Variants in KCNQ1 observed in about 807,000 individuals in gnomAD.
The protein encoded by KCNQ1 is potassium voltage-gated channel subfamily Q member 1.
A neutral mutation model predicts 72.4 loss-of-function variants in KCNQ1; 49 were observed. The ratio of observed to expected loss-of-function variants is 0.68; its 90% CI spans 0.54 to 0.86. The LOEUF (loss-of-function observed/expected upper bound fraction) is 0.86, where lower values mean the gene tolerates loss of function less well. Among genes scored for constraint, KCNQ1 ranks in the 40% least tolerant of loss-of-function variants. The pLI, the probability that KCNQ1 is intolerant of heterozygous loss-of-function variation, is 0.00. For synonymous variants in KCNQ1, 450 were observed against 412.6 expected, an observed-to-expected ratio of 1.09 and a Z score of -1.10; for missense variants, 790 against 945.1, an observed-to-expected ratio of 0.84 and a Z score of 2.15.
intron 1 of KCNQ1, among the ~76,000 whole-genome samples, chr11:2,480,524 T>C (rs1589904064): frequency 6.6e-6 from 1 of 152,330 alleles, no homozygotes; most frequent in East Asian, 1.9e-4. Flanking sequence ...GAGAACAATA[T>C]GGGAGAAACT....
chr11:2,454,114 T>C (rs1359844004), intron 1 of KCNQ1, among the ~76,000 whole-genome samples: 1 of 151,668 alleles, frequency 6.6e-6, no homozygotes, highest in African/African-American at 2.4e-5. Flanking sequence ...AATAAAAATA[T>C]AGCAGCTATT....
At chr11:2,719,028 G>A (rs548290752) in intron 11 of KCNQ1, among the ~76,000 whole-genome samples, 12 of 152,318 alleles carry the variant, frequency 7.9e-5, no homozygotes, top group Admixed American at 3.9e-4. Context: ...ACTCATCTAC[G>A]CTTGTGACCC....
At chr11:2,521,437 A>G (rs1317998074) in intron 1 of KCNQ1, 1 of 458,416 alleles carries the variant, frequency 2.2e-6, no homozygotes, top group East Asian at 7.1e-5. Context: ...TTTCAGACTG[A>G]CAAAACTCTT....
chr11:2,583,681 C>G (rs1470949886), intron 7 of KCNQ1, 136 bp downstream of exon 7: 1 of 724,194 alleles, frequency 1.4e-6, no homozygotes, highest in Non-Finnish European at 2.5e-6. Context: ...AGGTGCTATA[C>G]TCCAGAGCCC....
chr11:2,788,352 C>T (rs189855560), intron 15 of KCNQ1, among the ~76,000 whole-genome samples: 3 of 152,326 alleles, frequency 2.0e-5, no homozygotes, highest in African/African-American at 4.8e-5. Context: ...GGCGTAGCTT[C>T]GCAACTGGAA....
In KCNQ1 at chr11:2,464,052, G is replaced by A. The variant is rs958899189; in HGVS notation, c.386+18568G>A. On this transcript the variant is annotated intron_variant, in intron 1 of 15. Coordinates refer to ENST00000155840, the MANE Select transcript of KCNQ1 (RefSeq NM_000218.3). This position sits in a 1 kb window ranked among gnomAD's most constrained non-coding sequence, Gnocchi z 5.0. ...TGGAAAATGGACACTGATGCTGCCC[G>A]GTGGATCCAGGCAGGGCCGGGATGT... Among the ~76,000 whole-genome samples the A allele has an allele frequency of 1.3e-5, 2 of 152,318 alleles. No homozygotes were observed. The highest frequency in any genetic ancestry group is 1.5e-5 in the Non-Finnish European group (1 of 68,026).
intron 2 of KCNQ1, among the ~76,000 whole-genome samples, chr11:2,540,240 G>T (rs779639690): frequency 9.2e-5 from 14 of 152,204 alleles, no homozygotes; most frequent in Non-Finnish European, 1.3e-4. Context: ...CCCCTAGAGG[G>T]CATTACATTC....
rs1393780649 is a variant in KCNQ1, at chr11:2,712,648, G to T, written c.1514+50567G>T. On this transcript the variant is annotated intron_variant, in intron 11 of 15. Coordinates refer to ENST00000155840, the MANE Select transcript of KCNQ1 (RefSeq NM_000218.3). This position sits in a 1 kb window ranked among gnomAD's most constrained non-coding sequence, Gnocchi z 6.4. ...ATTCCCCTTGGAACATGAAGAAGGG[G>T]CTGGCTAAGGCCCCCATCCCTGCTC... 6.6e-6 allele frequency among the ~76,000 whole-genome samples: 1 copy of T among 152,186 alleles called. No homozygotes were observed. Among genetic ancestry groups the T allele is most frequent in the Non-Finnish European group, 1.5e-5 (1 of 68,022 alleles).
rs955642606 is a variant in KCNQ1 at position 2,658,427 on chromosome 11, G to A, written c.1394-3534G>A. ...TTGTTGCTCAAATTGTTCAAGCTGTGGCCACTGGTGGGTTCATGTGTCCTT... is the reference window on the plus strand; with the variant it reads ...TTGTTGCTCAAATTGTTCAAGCTGTAGCCACTGGTGGGTTCATGTGTCCTT... On this transcript the variant is annotated intron_variant, in intron 10 of 15. Transcript: ENST00000155840. The surrounding 1 kb of genome is among the most constrained non-coding windows in gnomAD (Gnocchi z 4.9). The A allele has an allele frequency of 2.5e-6, 1 of 398,486 alleles. No homozygotes were observed. Among genetic ancestry groups the A allele is most frequent in the Non-Finnish European group, 4.4e-6 (1 of 226,036 alleles). 24.7% of individuals were successfully genotyped at this position (398,486 alleles called of 1,614,324 possible).
intron 11 of KCNQ1, among the ~76,000 whole-genome samples, chr11:2,700,262 C>A (rs533679752): frequency 6.6e-6 from 1 of 152,174 alleles, no homozygotes; most frequent in Non-Finnish European, 1.5e-5. Flanking sequence ...CCCTCCCTGC[C>A]CCCACCCGTC....
chr11:2,573,022 A>G, intron 6 of KCNQ1, 36 bp downstream of exon 6: 1 of 1,605,876 alleles, frequency 6.2e-7, no homozygotes, highest in South Asian at 1.1e-5. Flanking sequence ...GGACAGGGGC[A>G]GCTCAGGCTG....
intron 10 of KCNQ1, chr11:2,614,733 ATGTCCATCCTTGT>A (rs1480232427): frequency 1.0e-5 from 4 of 398,288 alleles, no homozygotes; most frequent in Non-Finnish European, 1.8e-5. Flanking sequence ...ATTGGTCTAT[ATGTCCATCCTTGT>A]GTCCTAGAGA....
chr11:2,651,845 C>T lies in KCNQ1; in HGVS notation c.1394-10116C>T. Reference sequence around the variant, plus strand: ...CCCACAGGACCATACCAGACAGATGCCACCACATCTTTTCTTGAAGTAGTG... The same window carrying T: ...CCCACAGGACCATACCAGACAGATGTCACCACATCTTTTCTTGAAGTAGTG... On this transcript the variant is annotated intron_variant, in intron 10 of 15. Coordinates refer to ENST00000155840, the MANE Select transcript of KCNQ1 (RefSeq NM_000218.3). This position sits in a 1 kb window ranked among gnomAD's most constrained non-coding sequence, Gnocchi z 6.1. The T allele has an allele frequency of 2.5e-6, 1 of 398,648 alleles. No homozygotes were observed. Among genetic ancestry groups the T allele is most frequent in the South Asian group, 1.3e-4 (1 of 7,852 alleles). 24.7% of individuals were successfully genotyped at this position (398,648 alleles called of 1,614,324 possible).
chr11:2,532,877 T>C (rs1847664133), intron 2 of KCNQ1, among the ~76,000 whole-genome samples: 2 of 152,146 alleles, frequency 1.3e-5, no homozygotes, highest in Middle Eastern at 3.4e-3. Flanking sequence ...GGAAGGACGG[T>C]TGGGGGCGCT....
At chr11:2,632,757 G>A in intron 10 of KCNQ1, 2 of 398,318 alleles carry the variant, frequency 5.0e-6, no homozygotes, top group Non-Finnish European at 8.9e-6. Context: ...AGGACTTAAT[G>A]CTTTATTATG....
Position 2,626,981 on chromosome 11 carries a change from G to T in KCNQ1, c.1394-34980G>T. 1 of 398,452 alleles carries T rather than the reference G, an allele frequency of 2.5e-6. No individual in the cohort carries two copies. Among genetic ancestry groups the T allele is most frequent in the South Asian group, 1.3e-4 (1 of 7,840 alleles). 24.7% of individuals were successfully genotyped at this position (398,452 alleles called of 1,614,324 possible). A position where few individuals can be genotyped will look rare whatever the true frequency, so the allele number is the denominator to read the frequency against. Reference sequence around the variant, plus strand: ...AATAACATCATTAGGATTTTTATTGGGATTACCTTGGATTTGTAGATTGTT... The same window carrying T: ...AATAACATCATTAGGATTTTTATTGTGATTACCTTGGATTTGTAGATTGTT... On this transcript the variant is annotated intron_variant, in intron 10 of 15. Transcript: ENST00000155840. The surrounding 1 kb of genome is among the most constrained non-coding windows in gnomAD (Gnocchi z 4.0).
chr11:2,762,754 T>G lies in KCNQ1; in HGVS notation c.1515-6090T>G, dbSNP rs537130683. ...AGGCTGTGTACTCCTTATGAGAATCTAATGCCTGCTGGTCTGAACTGGAAC... is the reference window on the plus strand; with the variant it reads ...AGGCTGTGTACTCCTTATGAGAATCGAATGCCTGCTGGTCTGAACTGGAAC... On this transcript the variant is annotated intron_variant, in intron 11 of 15. Coordinates refer to ENST00000155840, the MANE Select transcript of KCNQ1 (RefSeq NM_000218.3). The surrounding 1 kb of genome is among the most constrained non-coding windows in gnomAD (Gnocchi z 4.3). 8.9e-4 allele frequency among the ~76,000 whole-genome samples: 136 copies of G among 152,360 alleles called. No homozygotes were observed. Among genetic ancestry groups the G allele is most frequent in the African/African-American group, 3.2e-3 (133 of 41,586 alleles).
At chr11:2,838,096 G>T (rs1376284856) in intron 15 of KCNQ1, among the ~76,000 whole-genome samples, 1 of 152,322 alleles carries the variant, frequency 6.6e-6, no homozygotes, top group East Asian at 1.9e-4. Context: ...AATATTTAGG[G>T]TATACCTGCT....
chr11:2,625,984 T>A (rs1380899180), intron 10 of KCNQ1: 1 of 398,544 alleles, frequency 2.5e-6, no homozygotes, highest in Non-Finnish European at 4.4e-6. Flanking sequence ...TCTCCCATTC[T>A]GTAGGTTGTC....
Sources: gnomAD v4.1 joint callset for allele counts (sites outside exome capture counted in the v4.1 genomes callset) on GRCh38, gnomAD v4.1.1 for gene constraint, Gnocchi (gnomAD v3.1) non-coding constraint, MANE v1.5 for transcripts, NCBI Gene and HGNC (gene_info 2026-07-23, HGNC 2026-07-21) for gene names.